SSH2: variants seen among roughly 807,000 people sequenced by gnomAD.
The protein encoded by SSH2 is protein phosphatase Slingshot homolog 2.
A neutral mutation model predicts 135.2 loss-of-function variants in SSH2; 37 were observed. The observed-to-expected ratio is 0.27, with a 90% CI of 0.21 to 0.36. The LOEUF (loss-of-function observed/expected upper bound fraction) is 0.36. Among genes scored for constraint, SSH2 ranks in the 10% least tolerant of loss-of-function variants. SSH2 has a pLI of 1.00. For synonymous variants in SSH2, 628 were observed against 646.2 expected (o/e 0.97, Z 0.43); for missense variants, 1,408 against 1,765.3 (o/e 0.80, Z 3.63).
At chr17:29,792,654 A>G (rs970078719) in intron 3 of SSH2, among the ~76,000 whole-genome samples, 4 of 152,174 alleles carry the variant, frequency 2.6e-5, no homozygotes, top group Non-Finnish European at 5.9e-5. Context: ...CCTGATAATA[A>G]TAATAATAAT....
chr17:29,757,122 C>A (rs762913383), intron 3 of SSH2, among the ~76,000 whole-genome samples: 1 of 152,190 alleles, frequency 6.6e-6, no homozygotes, highest in Non-Finnish European at 1.5e-5. Flanking sequence ...AGTCAGTCTT[C>A]ACTTAGGACC....
chr17:29,810,210 C>CA (rs1286209681), intron 2 of SSH2, among the ~76,000 whole-genome samples: 1 of 150,612 alleles, frequency 6.6e-6, no homozygotes, highest in African/African-American at 2.4e-5. Flanking sequence ...ATTTAAAATA[C>CA]AAAAAGATAG....
rs368159664 is a variant in SSH2 at position 29,878,905 on chromosome 17, GA to G, written c.64-29977del. On this transcript the variant is annotated intron_variant, in intron 1 of 15. Coordinates refer to ENST00000540801, the MANE Select transcript of SSH2 (RefSeq NM_001282129.2). ...AGCTCAAAGCAGCAAATGAATAACA[GA>G]AAAAGTCTGGTTTAAGATTCATTGA... 4.5e-4 allele frequency among the ~76,000 whole-genome samples: 69 copies of G among 152,242 alleles called. 1 individual carries two copies. In the East Asian group the frequency reaches 8.1e-3, roughly 18 times the overall value.
chr17:29,676,927 G>A (rs1396261587), intron 7 of SSH2, 42 bp from the exon 8 acceptor site: 2 of 1,549,126 alleles, frequency 1.3e-6, no homozygotes, highest in Non-Finnish European at 1.8e-6. Context: ...ACAAATTAGG[G>A]TAGGTTATTT....
rs1341542636 is a variant in SSH2 at position 29,636,721 on chromosome 17, C to T, written c.1509G>A (p.Gly503=). The change falls in exon 15 of 16, where the codon GGG becomes GGA. Residue 503 remains glycine (G), a synonymous_variant. Transcript: ENST00000540801. The part of the protein sequence containing the change: ...SDHHEPICKP[G]LELNKKDITT... ...TGATATCCTTCTTGTTGAGTTCTAG[C>T]CCAGGTTTGCAGATGGGTTCGTGGT... 1 of 1,613,926 alleles carries T rather than the reference C, an allele frequency of 6.2e-7. No individual in the cohort carries two copies. Among genetic ancestry groups the T allele is most frequent in the African/African-American group, 1.3e-5 (1 of 74,872 alleles).
intron 3 of SSH2, among the ~76,000 whole-genome samples, chr17:29,772,084 A>T (rs79363570): frequency 0.013 from 1,953 of 145,724 alleles, 49 homozygotes; most frequent in African/African-American, 0.048. Flanking sequence ...CAGCTAGTAC[A>T]TCAATTAACT....
chr17:29,646,430 G>GT (rs1470661285), intron 14 of SSH2, among the ~76,000 whole-genome samples: 1 of 152,098 alleles, frequency 6.6e-6, no homozygotes, highest in Non-Finnish European at 1.5e-5. Context: ...ACTGCTGTCT[G>GT]TGTGTATTGA....
intron 2 of SSH2, among the ~76,000 whole-genome samples, chr17:29,837,544 C>T (rs1429333209): frequency 1.3e-5 from 2 of 152,066 alleles, no homozygotes; most frequent in East Asian, 1.9e-4. Flanking sequence ...GCGGTGGGAC[C>T]CCTGTGGCCC....
chr17:29,838,724 C>T (rs1347146393), intron 2 of SSH2, among the ~76,000 whole-genome samples: 2 of 152,050 alleles, frequency 1.3e-5, no homozygotes, highest in Non-Finnish European at 2.9e-5. Context: ...TGAACAACAC[C>T]CTGGCTATGG....
intron 2 of SSH2, chr17:29,839,204 C>T (rs1305206054): frequency 1.3e-5 from 2 of 152,320 alleles, no homozygotes; most frequent in African/African-American, 4.8e-5. Context: ...CCATTGCAGC[C>T]AGTGTGCCTG....
chr17:29,720,152 G>A (rs1382513190), intron 3 of SSH2, among the ~76,000 whole-genome samples: 1 of 152,168 alleles, frequency 6.6e-6, no homozygotes, highest in Non-Finnish European at 1.5e-5. Flanking sequence ...TGTACAACAA[G>A]GACACCACAG....
chr17:29,634,868 G>A lies in SSH2; in HGVS notation c.2262+1100C>T, dbSNP rs368891976. ...GCCTGGCCTTCCCCTTGATTCTTGA[G>A]TACCACAGCATTGGAGATGAAGAAG... On this transcript the variant is annotated intron_variant, in intron 15 of 15. Transcript: ENST00000540801. Among the ~76,000 whole-genome samples, 5 of 150,964 alleles carry A rather than the reference G, an allele frequency of 3.3e-5. No homozygotes were observed. The East Asian group carries it at 7.9e-4, about 24-fold the overall frequency.
chr17:29,843,866 C>G (rs892137173), intron 2 of SSH2, among the ~76,000 whole-genome samples: 12 of 152,070 alleles, frequency 7.9e-5, no homozygotes, highest in African/African-American at 2.7e-4. Context: ...GCCATTTTTC[C>G]ACTCCCCAAA....
chr17:29,922,432 G>A (rs984830544), intron 1 of SSH2, among the ~76,000 whole-genome samples: 6 of 152,326 alleles, frequency 3.9e-5, no homozygotes, highest in African/African-American at 1.4e-4. Flanking sequence ...TGAAGTGAGT[G>A]TTGCACAACT....
chr17:29,771,665 G>A (rs1046666377), intron 3 of SSH2, among the ~76,000 whole-genome samples: 4 of 151,698 alleles, frequency 2.6e-5, no homozygotes, highest in Non-Finnish European at 2.9e-5. Context: ...AAGTAGGTAA[G>A]GGTTTTATTT....
intron 1 of SSH2, among the ~76,000 whole-genome samples, chr17:29,912,689 C>T (rs887148138): frequency 7.2e-5 from 11 of 152,136 alleles, no homozygotes; most frequent in Non-Finnish European, 4.4e-5. Flanking sequence ...TACGATCTTG[C>T]CACTACACCC....
At chr17:29,875,825 C>T (rs2066017870) in intron 1 of SSH2, among the ~76,000 whole-genome samples, 1 of 152,084 alleles carries the variant, frequency 6.6e-6, no homozygotes, top group South Asian at 2.1e-4. Context: ...TCAAACCTCA[C>T]TCGGTATAAC....
At chr17:29,659,783 C>A (rs1420686502) in intron 11 of SSH2, among the ~76,000 whole-genome samples, 7 of 152,102 alleles carry the variant, frequency 4.6e-5, no homozygotes, top group Non-Finnish European at 1.0e-4. Flanking sequence ...CTGCCTTGGC[C>A]TCCCAAAGTG....
At chr17:29,688,103 C>G (rs2321330) in intron 5 of SSH2, among the ~76,000 whole-genome samples, 1 of 151,642 alleles carries the variant, frequency 6.6e-6, no homozygotes, top group Admixed American at 6.6e-5. Flanking sequence ...CCCCGCCCCC[C>G]GGGTTCAAGC....
Sources: allele counts gnomAD v4.1 joint callset (sites outside exome capture counted in the v4.1 genomes callset), GRCh38; gene constraint gnomAD v4.1.1; transcripts MANE v1.5; gene names NCBI Gene and HGNC (gene_info 2026-07-23, HGNC 2026-07-21).